SGK1: variants seen among roughly 807,000 people sequenced by gnomAD.
SGK1 encodes the protein serum/glucocorticoid regulated kinase 1, also known as serine/threonine-protein kinase Sgk1.
Under a neutral mutation model 64.2 loss-of-function variants are expected in SGK1, and 26 were observed. The ratio of observed to expected loss-of-function variants is 0.40; its 90% CI spans 0.30 to 0.56. The LOEUF (loss-of-function observed/expected upper bound fraction) is 0.56, where lower values mean the gene tolerates loss of function less well. Among genes scored for constraint, SGK1 ranks in the 20% least tolerant of loss-of-function variants. The pLI is 0.38. For missense variants in SGK1, 519 were observed against 645.6 expected, an observed-to-expected ratio of 0.80 and a Z score of 2.12; for synonymous variants, 265 against 239.7, an observed-to-expected ratio of 1.11 and a Z score of -0.98.
chr6:134,290,192 C>T (rs1197064707), intron 1 of SGK1, among the ~76,000 whole-genome samples: 2 of 146,774 alleles, frequency 1.4e-5, no homozygotes, highest in Non-Finnish European at 3.0e-5. Context: ...TGCATGTTGG[C>T]ATACATCTGT....
chr6:134,209,412 C>G (rs956183016), intron 2 of SGK1, among the ~76,000 whole-genome samples: 6 of 152,066 alleles, frequency 3.9e-5, no homozygotes, highest in Non-Finnish European at 8.8e-5. Context: ...CTAGCCTGGA[C>G]GACAAAGCGA....
At chr6:134,232,411 A>AAGAAAAGAAAGAAAG (rs771204086) in intron 2 of SGK1, among the ~76,000 whole-genome samples, 993 of 30,308 alleles carry the variant, frequency 0.033, 112 homozygotes, top group East Asian at 0.28. Context: ...AAAAGAAAGA[A>AAGAAAAGAAAGAAAG]AGAGAAAGAA....
At chr6:134,175,326 A>G (rs1775196735) in intron 3 of SGK1, among the ~76,000 whole-genome samples, 1 of 150,768 alleles carries the variant, frequency 6.6e-6, no homozygotes, top group South Asian at 2.1e-4. Flanking sequence ...CTGCGGCCGG[A>G]CTCCCACCCT....
In SGK1 at chr6:134,207,388, T is replaced by C; in HGVS notation, c.329A>G (p.Asp110Gly). Reference sequence around the variant, plus strand: ...ATCATTAGTCCAGAAGGTTCTTGGATCGGGCTTGGTCAGGATGTTGGCATG... The same window carrying C: ...ATCATTAGTCCAGAAGGTTCTTGGACCGGGCTTGGTCAGGATGTTGGCATG... The part of the protein sequence containing the change: ...CNHANILTKP[D>G]PRTFWTNDDP... Residue 110 changes from aspartate to glycine, a missense_variant, in exon 3 of 14, where the codon GAT (aspartate) becomes GGT (glycine). By Grantham distance (94) the Asp-to-Gly change is moderately conservative. Around this residue, in one of 2 missense-constraint regions of SGK1, gnomAD observed 241 missense variants for 236.9 expected, o/e 1.02. Coordinates refer to ENST00000367858, the MANE Select transcript of SGK1 (RefSeq NM_001143676.3). 1 of 1,612,676 alleles carries C rather than the reference T, an allele frequency of 6.2e-7. No homozygotes were observed. The highest frequency in any genetic ancestry group is 8.5e-7 in the Non-Finnish European group (1 of 1,178,792).
chr6:134,219,401 C>A (rs1413315098), intron 2 of SGK1, among the ~76,000 whole-genome samples: 3 of 152,150 alleles, frequency 2.0e-5, no homozygotes, highest in African/African-American at 7.2e-5. Flanking sequence ...GCTCTGCAGG[C>A]ATTGGAGTTT....
At chr6:134,170,518 C>G in intron 13 of SGK1, 83 bp from the exon 14 acceptor site, 1 of 1,312,604 alleles carries the variant, frequency 7.6e-7, no homozygotes, top group South Asian at 1.4e-5. Context: ...CTTTAAATAC[C>G]AAGTTTAAGT....
chr6:134,297,248 C>A (rs1777370660), intron 1 of SGK1: 2 of 1,169,802 alleles, frequency 1.7e-6, no homozygotes, highest in Non-Finnish European at 2.5e-6. Context: ...CCAGCAGCTT[C>A]CTGTAGGTTG....
At chr6:134,306,145 C>T (rs552261628) in intron 1 of SGK1, among the ~76,000 whole-genome samples, 15 of 152,234 alleles carry the variant, frequency 9.9e-5, no homozygotes, top group African/African-American at 2.9e-4. Context: ...CAAGGCCGGG[C>T]GCGGTGGCTC....
intron 2 of SGK1, among the ~76,000 whole-genome samples, chr6:134,217,404 C>T (rs1776003708): frequency 6.6e-6 from 1 of 152,166 alleles, no homozygotes; most frequent in Admixed American, 6.6e-5. Context: ...CTGTGCTTGG[C>T]TGAGGGCTTC....
chr6:134,171,274 G>A, intron 11 of SGK1, 96 bp from the exon 12 acceptor site: 1 of 1,180,618 alleles, frequency 8.5e-7, no homozygotes, highest in Non-Finnish European at 1.2e-6. Flanking sequence ...ATAAATATTA[G>A]GCTCGATTTG....
At chr6:134,256,957 A>T (rs761232379) in intron 2 of SGK1, 1 of 152,268 alleles carries the variant, frequency 6.6e-6, no homozygotes, top group Non-Finnish European at 1.5e-5. Context: ...ATTTGTGACC[A>T]TTAAACATAG....
chr6:134,175,524 G>C (rs1460494070), intron 3 of SGK1: 1 of 1,469,490 alleles, frequency 6.8e-7, no homozygotes, highest in South Asian at 1.3e-5. Flanking sequence ...GCCCCCAGCG[G>C]GGCCGGCGGC....
intron 3 of SGK1, among the ~76,000 whole-genome samples, chr6:134,195,452 T>C (rs1461844804): frequency 6.6e-6 from 1 of 152,172 alleles, no homozygotes; most frequent in African/African-American, 2.4e-5. Flanking sequence ...TAGTCACACA[T>C]TCACACATTT....
At chr6:134,219,255 A>G (rs9389150) in intron 2 of SGK1, among the ~76,000 whole-genome samples, 148,196 of 151,930 alleles carry the variant, frequency 0.98, 72,292 homozygotes, top group East Asian at 1. Context: ...CAAGTGATCC[A>G]CCCGCCTTGG....
intron 3 of SGK1, among the ~76,000 whole-genome samples, chr6:134,204,995 GTTTCTCTC>G (rs977320157): frequency 4.1e-5 from 5 of 120,898 alleles, no homozygotes; most frequent in African/African-American, 9.4e-5. Context: ...TTCTTTCTCT[GTTTCTCTC>G]TTTCTCTCTT....
At chr6:134,292,027 C>T (rs1286691922) in intron 1 of SGK1, among the ~76,000 whole-genome samples, 2 of 150,322 alleles carry the variant, frequency 1.3e-5, no homozygotes, top group African/African-American at 4.9e-5. Context: ...CACACCGTTG[C>T]ACTCCAACCT....
chr6:134,234,782 AG>A (rs1269773446), intron 2 of SGK1, among the ~76,000 whole-genome samples: 1 of 152,248 alleles, frequency 6.6e-6, no homozygotes, highest in East Asian at 1.9e-4. Context: ...AGGCTGAGGC[AG>A]GAGAATGGCT....
rs71003683 is a variant in SGK1 at position 134,232,425 on chromosome 6, A to AAGAGAGAGAGAG, written c.286-24995_286-24994insCTCTCTCTCTCT. 6.2e-4 allele frequency among the ~76,000 whole-genome samples: 26 copies of AAGAGAGAGAGAG among 42,038 alleles called. 1 individual carries two copies. Among genetic ancestry groups the AAGAGAGAGAGAG allele is most frequent in the African/African-American group, 1.9e-3 (21 of 11,030 alleles). The allele number at this position is 42,038 out of a possible 152,430, so 27.6% of individuals were successfully genotyped here. A position where few individuals can be genotyped will look rare whatever the true frequency, so the allele number is the denominator to read the frequency against. On this transcript the variant is annotated intron_variant, in intron 2 of 13. Transcript: ENST00000367858. ...AAAAAGAAAGAAAGAGAAAGAAAGAAAGAAAGAAAGAAAGAAAGAAAGAAA... is the reference window on the plus strand; with the variant it reads ...AAAAAGAAAGAAAGAGAAAGAAAGAAAGAGAGAGAGAGAGAAAGAAAGAAAGAAAGAAAGAAA...
At chr6:134,198,726 A>ATTTTTTTTTTTTTTTTT (rs1178699258) in intron 3 of SGK1, among the ~76,000 whole-genome samples, 2 of 101,778 alleles carry the variant, frequency 2.0e-5, no homozygotes, top group African/African-American at 3.7e-5. Context: ...CTCTTTTTCT[A>ATTTTTTTTTTTTTTTTT]TTTTTTTTTT....
Sources: gnomAD v4.1 joint callset for allele counts (sites outside exome capture counted in the v4.1 genomes callset) on GRCh38, gnomAD v4.1.1 for gene constraint, gnomAD v4.1.1 regional missense constraint, MANE v1.5 for transcripts, NCBI Gene and HGNC (gene_info 2026-07-23, HGNC 2026-07-21) for gene names.